RBBP4: variants seen among roughly 807,000 people sequenced by gnomAD.
The protein encoded by RBBP4 is histone-binding protein RBBP4.
RBBP4 carries 3 observed loss-of-function variants against 57.2 expected under a neutral mutation model. That is an observed-to-expected ratio of 0.05 (90% CI 0.02 to 0.14). The LOEUF is 0.14. Ranked by LOEUF, RBBP4 falls within the 10% of genes least tolerant of loss-of-function variation. The probability of loss-of-function intolerance (pLI) is 1.00; values close to 1 mark genes in which losing one functional copy is unlikely to be tolerated. For synonymous variants in RBBP4, 151 were observed against 171.5 expected (o/e 0.88, Z 0.93); for missense variants, 107 against 520.6 (o/e 0.21, Z 7.73).
In RBBP4 at chr1:32,684,534, AAAG is replaced by A. The variant is rs1440484804; in HGVS notation, c.*4833_*4835del. ...ATATGATAGGTTATGAAACAGGTTC[AAAG>A]AAGTTGTGTCTTGGAAAAAAAGTGA... On this transcript the variant is annotated 3_prime_UTR_variant, in exon 12 of 12. Transcript: ENST00000373493. 2.6e-6 allele frequency: 3 copies of A among 1,162,772 alleles called. No homozygotes were observed. Among genetic ancestry groups the A allele is most frequent in the Non-Finnish European group, 3.5e-6 (3 of 845,616 alleles). 72.0% of individuals were successfully genotyped at this position (1,162,772 alleles called of 1,614,324 possible). A position where few individuals can be genotyped will look rare whatever the true frequency, so the allele number is the denominator to read the frequency against.
chr1:32,670,049 A>C (rs1225735635), intron 8 of RBBP4, among the ~76,000 whole-genome samples: 1 of 152,088 alleles, frequency 6.6e-6, no homozygotes. Flanking sequence ...TTGACCACTT[A>C]CATTCTTCAG....
intron 3 of RBBP4, among the ~76,000 whole-genome samples, chr1:32,664,811 A>G (rs1648574821): frequency 6.7e-6 from 1 of 150,298 alleles, no homozygotes; most frequent in Non-Finnish European, 1.5e-5. Context: ...TCTCAGAGAT[A>G]TGATGGGGGT....
In RBBP4 at chr1:32,683,855, ACTC is replaced by A; in HGVS notation, c.*4153_*4155del. The stretch of plus-strand genomic sequence containing the variant: ...GCCATGTTGGCCAGGCTGGTCTTGA[ACTC>A]CTGACTCCAGGTGATCCACCCTCCT... On this transcript the variant is annotated 3_prime_UTR_variant, in exon 12 of 12. Transcript: ENST00000373493. The A allele has an allele frequency of 1.5e-6, 1 of 669,876 alleles. No homozygotes were observed. Among genetic ancestry groups the A allele is most frequent in the Non-Finnish European group, 2.5e-6 (1 of 392,406 alleles). 41.5% of individuals were successfully genotyped at this position (669,876 alleles called of 1,614,324 possible).
At chr1:32,671,605 C>T (rs1648877888) in intron 8 of RBBP4, among the ~76,000 whole-genome samples, 1 of 151,936 alleles carries the variant, frequency 6.6e-6, no homozygotes, top group Non-Finnish European at 1.5e-5. Context: ...TGGCACACAC[C>T]TCCAGCTACG....
In RBBP4 at chr1:32,672,865, T is replaced by G. The variant is rs1377521930; in HGVS notation, c.1176T>G (p.Ser392=). 4.3e-6 allele frequency: 7 copies of G among 1,613,552 alleles called. No homozygotes were observed. Among genetic ancestry groups the G allele is most frequent in the Non-Finnish European group, 8.5e-7 (1 of 1,179,556 alleles). ...CCAATGAACCTTGGGTGATTTGTTC[T>G]GTATCAGAAGACAATATCATGCAAG... ...WNPNEPWVIC[S]VSEDNIMQVW... The change falls in exon 11 of 12, where the codon TCT becomes TCG. Residue 392 remains serine (S), a synonymous_variant. Coordinates refer to ENST00000373493, the MANE Select transcript of RBBP4 (RefSeq NM_005610.3).
rs199735554 is a variant in RBBP4 at position 32,661,113 on chromosome 1, CA to C, written c.310+3548del. Among the ~76,000 whole-genome samples, 394 of 152,102 alleles carry C rather than the reference CA, an allele frequency of 2.6e-3. 1 individual carries two copies. The highest frequency in any genetic ancestry group is 9.2e-3 in the African/African-American group (380 of 41,502). On this transcript the variant is annotated intron_variant, in intron 3 of 11. Transcript: ENST00000373493. ...ATAGGCATGAGCCACTATACTCAGC[CA>C]AAAAAATTTTTTTATTCAGTCAACC...
At chr1:32,655,276 C>T (rs1335496197) in intron 2 of RBBP4, among the ~76,000 whole-genome samples, 3 of 152,078 alleles carry the variant, frequency 2.0e-5, no homozygotes, top group Non-Finnish European at 2.9e-5. Context: ...CGTGCCTGGC[C>T]CTGTTTTTGT....
Position 32,651,492 on chromosome 1 carries a change from T to TG in RBBP4, c.16+173dup. On this transcript the variant is annotated intron_variant, in intron 1 of 11. Transcript: ENST00000373493. ...GCGTGCTAACGGCTCGCCAGTTCCC[T>TG]GGGACCGATTTCGGTCGCAGCTGGC... The TG allele has an allele frequency of 2.2e-6, 3 of 1,360,452 alleles. No homozygotes were observed. In the East Asian group the frequency reaches 8.6e-5, roughly 39 times the overall value. 84.3% of individuals were successfully genotyped at this position (1,360,452 alleles called of 1,614,324 possible).
At chr1:32,668,177 C>G (rs369552965) in intron 3 of RBBP4, 48 bp from the exon 4 acceptor site, 1 of 1,552,014 alleles carries the variant, frequency 6.4e-7, no homozygotes, top group Non-Finnish European at 8.8e-7. Context: ...TGGGTAACCT[C>G]TAGAGTAGCT....
rs1180612545 is a variant in RBBP4 at position 32,652,026 on chromosome 1, C to T, written c.129C>T (p.Pro43=). ...DLVMTHALEW[P]SLTAQWLPDV... is the part of the protein sequence containing the mutation. ...TGATGACCCATGCTCTGGAGTGGCC[C>T]AGCCTAACTGCCCAGTGGCTTCCAG... Residue 43 remains proline, a synonymous_variant, in exon 2 of 12, where the codon CCC becomes CCT. Transcript: ENST00000373493. 6.2e-7 allele frequency: 1 copy of T among 1,613,788 alleles called. No individual in the cohort carries two copies. Among genetic ancestry groups the T allele is most frequent in the Non-Finnish European group, 8.5e-7 (1 of 1,179,842 alleles).
Position 32,682,771 on chromosome 1 carries a change from A to G in RBBP4, c.*3066A>G, listed in dbSNP as rs1649533054. The G allele has an allele frequency of 6.6e-6, 1 of 152,202 alleles. No individual in the cohort carries two copies. The highest frequency in any genetic ancestry group is 6.5e-5 in the Admixed American group (1 of 15,276). 9.4% of individuals were successfully genotyped at this position (152,202 alleles called of 1,614,324 possible). On this transcript the variant is annotated 3_prime_UTR_variant, in exon 12 of 12. Transcript: ENST00000373493. ...GGGTGGCAGAGCGAGACTGTCTCAAAAAAAAAAGAAAGTTGTGAATTTGAT... is the reference window on the plus strand; with the variant it reads ...GGGTGGCAGAGCGAGACTGTCTCAAGAAAAAAAGAAAGTTGTGAATTTGAT...
chr1:32,667,035 G>A (rs1490521352), intron 3 of RBBP4, among the ~76,000 whole-genome samples: 1 of 152,164 alleles, frequency 6.6e-6, no homozygotes, highest in African/African-American at 2.4e-5. Flanking sequence ...GCCTGGGAAG[G>A]TACCCATTAC....
intron 3 of RBBP4, among the ~76,000 whole-genome samples, chr1:32,666,824 CATT>C (rs1204695084): frequency 1.3e-5 from 2 of 152,128 alleles, no homozygotes; most frequent in Non-Finnish European, 1.5e-5. Context: ...CATTATCAAT[CATT>C]AGTATAAACA....
intron 1 of RBBP4, chr1:32,651,705 G>C: frequency 1.3e-6 from 1 of 783,260 alleles, no homozygotes; most frequent in Non-Finnish European, 2.0e-6. Flanking sequence ...TGGCCCCTTG[G>C]CCTGGAACGG....
intron 8 of RBBP4, 33 bp from the exon 9 acceptor site, chr1:32,672,417 T>G (rs1245897579): frequency 3.4e-6 from 5 of 1,474,792 alleles, no homozygotes; most frequent in Non-Finnish European, 4.6e-6. Flanking sequence ...TTCTAATTCA[T>G]GGCTTTGCTC....
In RBBP4 at chr1:32,653,657, T is replaced by A. The variant is rs1648002419; in HGVS notation, c.164+1596T>A. Among the ~76,000 whole-genome samples, 2 of 41,316 alleles carry A rather than the reference T, an allele frequency of 4.8e-5. 1 individual carries two copies. The highest frequency in any genetic ancestry group is 9.2e-5 in the Non-Finnish European group (2 of 21,832). 27.1% of individuals were successfully genotyped at this position (41,316 alleles called of 152,430 possible). A position where few individuals can be genotyped will look rare whatever the true frequency, so the allele number is the denominator to read the frequency against. On this transcript the variant is annotated intron_variant, in intron 2 of 11. Coordinates refer to ENST00000373493, the MANE Select transcript of RBBP4 (RefSeq NM_005610.3). ...TTCTGGTTTTTTTTTTTTTTTTTTT[T>A]TTGTTTTTGTTTTTTTTTTTGAGAC...
At chr1:32,670,523 T>C (rs1248258800) in intron 8 of RBBP4, among the ~76,000 whole-genome samples, 1 of 152,166 alleles carries the variant, frequency 6.6e-6, no homozygotes, top group African/African-American at 2.4e-5. Context: ...CTATGAAAGA[T>C]TACGTTATGT....
intron 4 of RBBP4, 79 bp downstream of exon 4, chr1:32,668,477 T>C (rs1356854342): frequency 6.8e-6 from 9 of 1,328,600 alleles, no homozygotes; most frequent in Non-Finnish European, 9.4e-6. Flanking sequence ...TTTAATTGCA[T>C]GTTACTCTGT....
chr1:32,663,958 G>T (rs12407521), intron 3 of RBBP4, among the ~76,000 whole-genome samples: 5 of 145,924 alleles, frequency 3.4e-5, no homozygotes, highest in Non-Finnish European at 6.0e-5. Flanking sequence ...ATGGAGTCTC[G>T]CTCTGTTGCC....
Sources: allele counts gnomAD v4.1 joint callset (sites outside exome capture counted in the v4.1 genomes callset), GRCh38; gene constraint gnomAD v4.1.1; transcripts MANE v1.5; gene names NCBI Gene and HGNC (gene_info 2026-07-23, HGNC 2026-07-21).